SPAG17: variants seen among roughly 807,000 people sequenced by gnomAD.
SPAG17 encodes the protein sperm associated antigen 17.
SPAG17 carries 169 observed loss-of-function variants against 273.6 expected under a neutral mutation model. The ratio of observed to expected loss-of-function variants is 0.62; its 90% CI spans 0.55 to 0.70. The LOEUF (loss-of-function observed/expected upper bound fraction) is 0.70, where lower values mean the gene tolerates loss of function less well. Among genes scored for constraint, SPAG17 ranks in the 30% least tolerant of loss-of-function variants. The probability of loss-of-function intolerance (pLI) is 0.00; values close to 1 mark genes in which losing one functional copy is unlikely to be tolerated. For missense variants in SPAG17, 2,557 were observed against 2,627.8 expected (o/e 0.97, Z 0.59); for synonymous variants, 825 against 873.2 (o/e 0.94, Z 0.97).
chr1:118,109,122 G>GAT (rs1656595535), intron 4 of SPAG17, among the ~76,000 whole-genome samples: 1 of 151,552 alleles, frequency 6.6e-6, no homozygotes, highest in African/African-American at 2.4e-5. Context: ...TGAAACTGAT[G>GAT]ATATATATCT....
chr1:118,122,074 T>A (rs969758485), intron 3 of SPAG17, among the ~76,000 whole-genome samples: 1 of 152,202 alleles, frequency 6.6e-6, no homozygotes, highest in African/African-American at 2.4e-5. Context: ...TACATTCTGC[T>A]TTTATCTTAC....
intron 48 of SPAG17, among the ~76,000 whole-genome samples, chr1:117,956,112 T>C (rs1054732303): frequency 5.3e-5 from 8 of 152,314 alleles, no homozygotes; most frequent in African/African-American, 1.9e-4. Context: ...GCATATTTGT[T>C]GACCATTTGT....
intron 24 of SPAG17, among the ~76,000 whole-genome samples, chr1:118,033,353 T>C (rs1263032719): frequency 6.6e-6 from 1 of 152,220 alleles, no homozygotes; most frequent in African/African-American, 2.4e-5. Context: ...AATTATGCAG[T>C]CTGTTCCCCA....
intron 10 of SPAG17, 88 bp from the exon 11 acceptor site, chr1:118,087,096 T>A (rs1655056002): frequency 1.4e-6 from 2 of 1,419,116 alleles, no homozygotes; most frequent in Non-Finnish European, 1.9e-6. Flanking sequence ...CACTGCTTAG[T>A]AAGAACCAGT....
intron 44 of SPAG17, 108 bp downstream of exon 44, chr1:117,973,317 A>T: frequency 7.2e-7 from 1 of 1,398,268 alleles, no homozygotes; most frequent in South Asian, 1.4e-5. Flanking sequence ...TCAATGAATC[A>T]GAATTACATA....
chr1:117,981,167 T>C, intron 43 of SPAG17, 103 bp downstream of exon 43: 1 of 1,313,254 alleles, frequency 7.6e-7, no homozygotes, highest in South Asian at 1.8e-5. Context: ...CTCTCGATTT[T>C]TTTCTGTAAC....
intron 4 of SPAG17, among the ~76,000 whole-genome samples, chr1:118,109,495 C>A (rs1656627405): frequency 6.7e-6 from 1 of 150,268 alleles, no homozygotes; most frequent in Admixed American, 6.6e-5. Context: ...GCAGAGGTTG[C>A]AGTGAGCCGA....
chr1:118,039,018 G>C (rs1649414357), intron 23 of SPAG17, among the ~76,000 whole-genome samples: 1 of 152,140 alleles, frequency 6.6e-6, no homozygotes. Flanking sequence ...TGTACGGGAA[G>C]AGGGCATTGA....
chr1:118,147,724 T>C (rs758649353), intron 3 of SPAG17, among the ~76,000 whole-genome samples: 57 of 152,230 alleles, frequency 3.7e-4, no homozygotes, highest in Middle Eastern at 3.2e-3. Context: ...AATGAGGCTG[T>C]GTGTACACAA....
chr1:118,088,884 G>C (rs1300247243), intron 10 of SPAG17, among the ~76,000 whole-genome samples: 1 of 152,072 alleles, frequency 6.6e-6, no homozygotes, highest in Non-Finnish European at 1.5e-5. Flanking sequence ...TAAATCGATA[G>C]GAAAAATGAT....
At chr1:118,063,325 C>T (rs1408457334) in intron 18 of SPAG17, among the ~76,000 whole-genome samples, 2 of 152,196 alleles carry the variant, frequency 1.3e-5, no homozygotes, top group Non-Finnish European at 1.5e-5. Context: ...CGCTACCTGA[C>T]TTCAAACTAT....
intron 48 of SPAG17, chr1:117,962,179 C>G (rs1240782350): frequency 6.6e-6 from 1 of 152,094 alleles, no homozygotes; most frequent in Non-Finnish European, 1.5e-5. Flanking sequence ...AAGTGTTATA[C>G]TAATCGAAGA....
intron 32 of SPAG17, among the ~76,000 whole-genome samples, chr1:118,003,712 G>T (rs1259585109): frequency 6.6e-6 from 1 of 152,074 alleles, no homozygotes; most frequent in Non-Finnish European, 1.5e-5. Context: ...TTAGCCATTC[G>T]TCTAAGCTTT....
At chr1:118,105,173 A>G (rs1373990386) in intron 4 of SPAG17, among the ~76,000 whole-genome samples, 1 of 152,128 alleles carries the variant, frequency 6.6e-6, no homozygotes, top group African/African-American at 2.4e-5. Context: ...AAATGTTTCA[A>G]TTTTTTCAAG....
At chr1:118,003,792 C>A (rs886459121) in intron 32 of SPAG17, among the ~76,000 whole-genome samples, 1 of 152,134 alleles carries the variant, frequency 6.6e-6, no homozygotes, top group Non-Finnish European at 1.5e-5. Context: ...TTTGTTATAA[C>A]TGACCTTCTG....
At chr1:118,040,114 G>A (rs1325659695) in intron 22 of SPAG17, among the ~76,000 whole-genome samples, 1 of 151,994 alleles carries the variant, frequency 6.6e-6, no homozygotes, top group Non-Finnish European at 1.5e-5. Flanking sequence ...TTCCAACAAC[G>A]CATTCTCTTT....
intron 20 of SPAG17, among the ~76,000 whole-genome samples, chr1:118,042,704 C>T (rs573703909): frequency 7.9e-5 from 12 of 152,060 alleles, no homozygotes; most frequent in Non-Finnish European, 1.8e-4. Context: ...GCCAAGTGAA[C>T]GACTTTATAA....
At position 118,073,951 on chromosome 1, in the gene SPAG17, A is replaced by G; in HGVS notation, c.2288T>C (p.Met763Thr). The G allele has an allele frequency of 1.9e-6, 3 of 1,559,668 alleles. No individual in the cohort carries two copies. The highest frequency in any genetic ancestry group is 2.6e-6 in the Non-Finnish European group (3 of 1,161,634). The change falls in exon 17 of 49, where the codon ATG becomes ACG. Residue 763 changes from methionine to threonine, a missense_variant. Met to Thr is a moderately conservative substitution (Grantham distance 81). Transcript: ENST00000336338. ...TATGTCCTCTAAATCTGCTTCCACC[A>G]TCATCTTCTTGGGTTTCTAAAATAT... ...DSHEKKPKKMMVEADLEDIKK... is the reference protein window; with the variant it reads ...DSHEKKPKKMTVEADLEDIKK...
chr1:117,982,746 A>T (rs1401388797), intron 42 of SPAG17, among the ~76,000 whole-genome samples: 1 of 152,322 alleles, frequency 6.6e-6, no homozygotes, highest in East Asian at 1.9e-4. Flanking sequence ...CAGTTTCTCC[A>T]AAATATCTTT....
Sources: allele counts gnomAD v4.1 joint callset (sites outside exome capture counted in the v4.1 genomes callset), GRCh38; gene constraint gnomAD v4.1.1; transcripts MANE v1.5; gene names NCBI Gene and HGNC (gene_info 2026-07-23, HGNC 2026-07-21).